Variants in CDYL2 observed in about 807,000 individuals in gnomAD.
CDYL2 encodes chromodomain Y like 2.
In CDYL2, 23 loss-of-function variants were observed where a neutral mutation model predicts 49.4. The ratio of observed to expected loss-of-function variants is 0.47; its 90% CI spans 0.34 to 0.66. The LOEUF (loss-of-function observed/expected upper bound fraction) is 0.66, where lower values mean the gene tolerates loss of function less well. Among genes scored for constraint, CDYL2 ranks in the 30% least tolerant of loss-of-function variants. CDYL2 has a pLI of 0.01. For missense variants in CDYL2, 678 were observed against 656.4 expected, an observed-to-expected ratio of 1.03 and a Z score of -0.36; for synonymous variants, 360 against 268.8, an observed-to-expected ratio of 1.34 and a Z score of -3.32.
chr16:80,696,175 G>C (rs1910606665), intron 1 of CDYL2, among the ~76,000 whole-genome samples: 1 of 152,044 alleles, frequency 6.6e-6, no homozygotes, highest in Admixed American at 6.5e-5. Context: ...ATTAAGAAGG[G>C]AACTTAAAAA....
At chr16:80,670,051 T>C (rs1289939577) in intron 2 of CDYL2, among the ~76,000 whole-genome samples, 1 of 152,240 alleles carries the variant, frequency 6.6e-6, no homozygotes, top group Admixed American at 6.5e-5. Flanking sequence ...CCTCATCAAG[T>C]AGCTCATGCC....
chr16:80,783,316 A>T (rs1907332088), intron 1 of CDYL2, among the ~76,000 whole-genome samples: 1 of 152,212 alleles, frequency 6.6e-6, no homozygotes, highest in South Asian at 2.1e-4. Flanking sequence ...CTGCAATGAG[A>T]TACCATTTCA....
Position 80,604,122 on chromosome 16 carries a change from G to C in CDYL2, c.*266C>G. On this transcript the variant is annotated 3_prime_UTR_variant, in exon 7 of 7. Transcript: ENST00000570137. The stretch of plus-strand genomic sequence containing the variant: ...CAGCAAGTGGGGAAAGGACAGCGGT[G>C]CTTGGCGGAGCCCTGGGAAGATACA... 2.0e-6 allele frequency: 1 copy of C among 497,036 alleles called. No individual in the cohort carries two copies. Among genetic ancestry groups the C allele is most frequent in the Non-Finnish European group, 3.6e-6 (1 of 275,004 alleles). The allele number at this position is 497,036 out of a possible 1,614,324, so 30.8% of individuals were successfully genotyped here.
chr16:80,731,526 C>T (rs1156731390), intron 1 of CDYL2, among the ~76,000 whole-genome samples: 1 of 152,104 alleles, frequency 6.6e-6, no homozygotes, highest in East Asian at 1.9e-4. Context: ...CAAAAATAGG[C>T]CTAACCCAGC....
At chr16:80,757,614 A>G (rs1050063530) in intron 1 of CDYL2, among the ~76,000 whole-genome samples, 2 of 151,514 alleles carry the variant, frequency 1.3e-5, no homozygotes, top group African/African-American at 4.8e-5. Flanking sequence ...TTATATCAAA[A>G]TATTTGCCAT....
At chr16:80,729,291 G>A (rs1317156470) in intron 1 of CDYL2, among the ~76,000 whole-genome samples, 6 of 151,390 alleles carry the variant, frequency 4.0e-5, no homozygotes, top group Non-Finnish European at 7.4e-5. Context: ...AAAAGGCAGG[G>A]GTTGCAATCC....
chr16:80,606,277 C>T (rs183169071), intron 6 of CDYL2, among the ~76,000 whole-genome samples: 27 of 152,352 alleles, frequency 1.8e-4, no homozygotes, highest in Admixed American at 1.7e-3. Context: ...TAGTTCCTTT[C>T]TTGGGAAACC....
chr16:80,774,621 T>C lies in CDYL2; in HGVS notation c.24+29529A>G, dbSNP rs139078635. On this transcript the variant is annotated intron_variant, in intron 1 of 6. Coordinates refer to ENST00000570137, the MANE Select transcript of CDYL2 (RefSeq NM_152342.4). Reference sequence around the variant, plus strand: ...TAATTAGCTTGATGGAATCTTTCTGTAATATGTATATAGAGATCAAGACAT... The same window carrying C: ...TAATTAGCTTGATGGAATCTTTCTGCAATATGTATATAGAGATCAAGACAT... Among the ~76,000 whole-genome samples the C allele has an allele frequency of 4.2e-3, 639 of 152,264 alleles. 5 individuals are homozygous for C. The highest frequency in any genetic ancestry group is 7.3e-3 in the Non-Finnish European group (498 of 68,016).
At position 80,729,438 on chromosome 16, in the gene CDYL2, C is replaced by G. The variant is rs181725211; in HGVS notation, c.25-44309G>C. On this transcript the variant is annotated intron_variant, in intron 1 of 6. Transcript: ENST00000570137. ...TATACGCATCCAATACAGGAGCACCCAGATTCCTAAAGCAAGTCCTGAGTG... is the reference window on the plus strand; with the variant it reads ...TATACGCATCCAATACAGGAGCACCGAGATTCCTAAAGCAAGTCCTGAGTG... 5.0e-3 allele frequency among the ~76,000 whole-genome samples: 766 copies of G among 152,222 alleles called. 37 individuals carry two copies. The highest frequency in any genetic ancestry group is 0.047 in the Admixed American group (725 of 15,296).
chr16:80,616,319 G>A (rs1260752016), intron 4 of CDYL2, among the ~76,000 whole-genome samples: 1 of 152,178 alleles, frequency 6.6e-6, no homozygotes, highest in Admixed American at 6.5e-5. Flanking sequence ...CTAGCCCAGT[G>A]CTGACATGCA....
intron 1 of CDYL2, among the ~76,000 whole-genome samples, chr16:80,714,880 G>A (rs1274403164): frequency 1.3e-5 from 2 of 152,146 alleles, no homozygotes; most frequent in Non-Finnish European, 2.9e-5. Flanking sequence ...AGCTCCTTTA[G>A]TGGCCAGGCA....
At chr16:80,783,734 G>C (rs950132057) in intron 1 of CDYL2, among the ~76,000 whole-genome samples, 10 of 152,138 alleles carry the variant, frequency 6.6e-5, no homozygotes, top group African/African-American at 2.4e-4. Context: ...CTAAAACATG[G>C]CTGATTACAA....
intron 2 of CDYL2, among the ~76,000 whole-genome samples, chr16:80,646,013 G>T (rs1908327214): frequency 8.3e-6 from 1 of 119,778 alleles, no homozygotes. Flanking sequence ...GAGGGGGGAG[G>T]GATGGCATTA....
chr16:80,636,901 C>T (rs1907854549), intron 2 of CDYL2, among the ~76,000 whole-genome samples: 1 of 152,240 alleles, frequency 6.6e-6, no homozygotes, highest in Non-Finnish European at 1.5e-5. Flanking sequence ...ATGTCCTTTG[C>T]AGAGACATGG....
At chr16:80,656,738 C>A (rs145957749) in intron 2 of CDYL2, among the ~76,000 whole-genome samples, 2,456 of 152,212 alleles carry the variant, frequency 0.016, 21 homozygotes, top group Non-Finnish European at 0.023. Flanking sequence ...TAAGATGAAG[C>A]CGGGCTCACA....
At chr16:80,763,440 T>C (rs1906607405) in intron 1 of CDYL2, among the ~76,000 whole-genome samples, 1 of 144,878 alleles carries the variant, frequency 6.9e-6, no homozygotes, top group Non-Finnish European at 1.5e-5. Flanking sequence ...CCTGTCTCTA[T>C]CAAAAAGACA....
chr16:80,607,348 G>A (rs1906383594), intron 6 of CDYL2, among the ~76,000 whole-genome samples: 1 of 152,154 alleles, frequency 6.6e-6, no homozygotes, highest in Non-Finnish European at 1.5e-5. Flanking sequence ...TGTGAACACA[G>A]GCACAGGGAG....
At chr16:80,675,397 G>A (rs1159631604) in intron 2 of CDYL2, among the ~76,000 whole-genome samples, 2 of 152,196 alleles carry the variant, frequency 1.3e-5, no homozygotes, top group Non-Finnish European at 2.9e-5. Context: ...GAGAACCACT[G>A]AGGAAATTAA....
In CDYL2 at chr16:80,684,922, G is replaced by A. The variant is rs759858823; in HGVS notation, c.232C>T (p.Leu78=). 12 of 1,614,186 alleles carry A rather than the reference G, an allele frequency of 7.4e-6. No individual in the cohort carries two copies. The East Asian group carries it at 2.0e-4, about 27-fold the overall frequency. Residue 78 remains leucine, a synonymous_variant, in exon 2 of 7, where the codon CTG becomes TTG. Coordinates refer to ENST00000570137, the MANE Select transcript of CDYL2 (RefSeq NM_152342.4). Reference sequence around the variant, plus strand: ...ACCGACGGGCCTCGACTGTCACGCAGCAGCTTGGAGGTACTGGACTGCTTC... The same window carrying A: ...ACCGACGGGCCTCGACTGTCACGCAACAGCTTGGAGGTACTGGACTGCTTC... The part of the protein sequence containing the change: ...SGKQSSTSKL[L]RDSRGPSVEK...
Sources: gnomAD v4.1 joint callset for allele counts (sites outside exome capture counted in the v4.1 genomes callset) on GRCh38, gnomAD v4.1.1 for gene constraint, MANE v1.5 for transcripts, NCBI Gene and HGNC (gene_info 2026-07-23, HGNC 2026-07-21) for gene names.